Variants in CREB5 observed in about 807,000 individuals in gnomAD.
The protein encoded by CREB5 is cyclic AMP-responsive element-binding protein 5.
A neutral mutation model predicts 57.1 loss-of-function variants in CREB5; 19 were observed. That is an observed-to-expected ratio of 0.33 (90% confidence interval 0.23 to 0.49). CREB5 has a LOEUF of 0.49. Among genes scored for constraint, CREB5 ranks in the 20% least tolerant of loss-of-function variants. The pLI is 0.99. For missense variants in CREB5, 579 were observed against 671.6 expected (o/e 0.86, Z 1.52); for synonymous variants, 238 against 238.3 (o/e 1.00, Z 0.01).
intron 5 of CREB5, among the ~76,000 whole-genome samples, chr7:28,700,013 AGGGC>A (rs1801763390): frequency 6.6e-6 from 1 of 152,212 alleles, no homozygotes; most frequent in Admixed American, 6.5e-5. Flanking sequence ...GGTGTATACA[AGGGC>A]ATCACCTAAA....
intron 1 of CREB5, among the ~76,000 whole-genome samples, chr7:28,479,602 G>A (rs993261812): frequency 6.6e-6 from 1 of 152,134 alleles, no homozygotes; most frequent in African/African-American, 2.4e-5. Context: ...CTGAATCAAG[G>A]CTTCGGTATA....
intron 1 of CREB5, among the ~76,000 whole-genome samples, chr7:28,379,582 G>A (rs1043064197): frequency 6.6e-6 from 1 of 152,204 alleles, no homozygotes; most frequent in Admixed American, 6.5e-5. Context: ...AGGGCCAGTG[G>A]TGCCCAATCT....
intron 1 of CREB5, among the ~76,000 whole-genome samples, chr7:28,421,769 C>CTATATATATA (rs151244858): frequency 6.1e-5 from 6 of 98,374 alleles, no homozygotes; most frequent in African/African-American, 1.7e-4. Flanking sequence ...TACACACACA[C>CTATATATATA]TATATATATA....
intron 7 of CREB5, among the ~76,000 whole-genome samples, chr7:28,750,199 C>T (rs974919701): frequency 2.6e-5 from 4 of 152,134 alleles, no homozygotes; most frequent in African/African-American, 9.7e-5. Context: ...GCCCAGCCCC[C>T]AGCCCCCAGC....
chr7:28,322,879 T>A (rs1332341125), intron 1 of CREB5, among the ~76,000 whole-genome samples: 2 of 152,176 alleles, frequency 1.3e-5, no homozygotes, highest in East Asian at 3.8e-4. Flanking sequence ...TAAATGTAAC[T>A]GGCCTCTCAG....
At chr7:28,766,635 G>A (rs528856233) in intron 7 of CREB5, among the ~76,000 whole-genome samples, 99 of 152,310 alleles carry the variant, frequency 6.5e-4, no homozygotes, top group Admixed American at 2.2e-3. Flanking sequence ...GAGCACCCAC[G>A]GGCTGGAATG....
intron 7 of CREB5, among the ~76,000 whole-genome samples, chr7:28,772,224 G>T (rs1806364521): frequency 6.6e-6 from 1 of 152,158 alleles, no homozygotes; most frequent in Non-Finnish European, 1.5e-5. Flanking sequence ...TAGACACTTG[G>T]GACCTGTTGG....
At chr7:28,617,494 G>A (rs573781169) in intron 5 of CREB5, among the ~76,000 whole-genome samples, 4 of 152,308 alleles carry the variant, frequency 2.6e-5, no homozygotes, top group African/African-American at 9.6e-5. Context: ...ACAGGGAAAG[G>A]AGAGCAGAAA....
chr7:28,713,212 T>C (rs1027901489), intron 5 of CREB5, among the ~76,000 whole-genome samples: 19 of 150,750 alleles, frequency 1.3e-4, no homozygotes, highest in African/African-American at 4.2e-4. Flanking sequence ...ACTTTTTGTA[T>C]TTTTTTTTAA....
chr7:28,778,959 C>T (rs1048095977), intron 7 of CREB5: 6 of 152,020 alleles, frequency 3.9e-5, no homozygotes, highest in African/African-American at 7.3e-5. Context: ...TGTGAAATAC[C>T]CGCCATGCCA....
intron 7 of CREB5, among the ~76,000 whole-genome samples, chr7:28,753,641 T>C (rs957497397): frequency 1.3e-5 from 2 of 152,004 alleles, no homozygotes; most frequent in African/African-American, 4.8e-5. Context: ...GATTACAGCT[T>C]TGAAAGAAAC....
At chr7:28,392,515 C>T (rs1379838621) in intron 1 of CREB5, among the ~76,000 whole-genome samples, 1 of 152,190 alleles carries the variant, frequency 6.6e-6, no homozygotes, top group African/African-American at 2.4e-5. Flanking sequence ...ACATGTTATG[C>T]CTTGCTTCTG....
intron 5 of CREB5, among the ~76,000 whole-genome samples, chr7:28,691,456 T>C (rs1388057997): frequency 6.7e-6 from 1 of 148,862 alleles, no homozygotes; most frequent in Non-Finnish European, 1.5e-5. Flanking sequence ...GTATTTGCAA[T>C]AGCATATGTG....
chr7:28,550,016 C>T (rs1245370749), intron 4 of CREB5, among the ~76,000 whole-genome samples: 1 of 152,178 alleles, frequency 6.6e-6, no homozygotes, highest in East Asian at 1.9e-4. Flanking sequence ...CTCATGACAT[C>T]ACTAAGCTTC....
At chr7:28,458,698 T>A (rs1257623150) in intron 1 of CREB5, among the ~76,000 whole-genome samples, 1 of 152,216 alleles carries the variant, frequency 6.6e-6, no homozygotes, top group Non-Finnish European at 1.5e-5. Context: ...TGTGTGATCT[T>A]GGTCAATGAC....
chr7:28,450,156 A>G (rs148185689), intron 1 of CREB5, among the ~76,000 whole-genome samples: 14 of 152,318 alleles, frequency 9.2e-5, no homozygotes, highest in African/African-American at 2.9e-4. Flanking sequence ...TTTCTTCACA[A>G]AGGAGAATGT....
intron 1 of CREB5, among the ~76,000 whole-genome samples, chr7:28,368,086 A>G (rs1583401968): frequency 1.3e-5 from 2 of 152,298 alleles, no homozygotes; most frequent in African/African-American, 4.8e-5. Context: ...AACACTATAC[A>G]AAAAATAATT....
chr7:28,472,348 T>C (rs1790858796), intron 1 of CREB5, among the ~76,000 whole-genome samples: 1 of 152,296 alleles, frequency 6.6e-6, no homozygotes, highest in East Asian at 1.9e-4. Flanking sequence ...TATGTATATG[T>C]GTATTTGTGT....
At chr7:28,443,586 A>G (rs1163494199) in intron 1 of CREB5, among the ~76,000 whole-genome samples, 1 of 152,166 alleles carries the variant, frequency 6.6e-6, no homozygotes, top group Admixed American at 6.5e-5. Context: ...GGATTTAGAG[A>G]GGTGGAATCA....
Sources: allele counts gnomAD v4.1 joint callset (sites outside exome capture counted in the v4.1 genomes callset), GRCh38; gene constraint gnomAD v4.1.1; transcripts MANE v1.5; gene names NCBI Gene and HGNC (gene_info 2026-07-23, HGNC 2026-07-21).